C6orf132: variants seen among roughly 807,000 people sequenced by gnomAD.
C6orf132 encodes chromosome 6 open reading frame 132, also known as uncharacterized protein C6orf132.
A neutral mutation model predicts 65.3 loss-of-function variants in C6orf132; 43 were observed. That is an observed-to-expected ratio of 0.66 (90% CI 0.52 to 0.85). The LOEUF (loss-of-function observed/expected upper bound fraction) is 0.85, where lower values mean the gene tolerates loss of function less well. Among genes scored for constraint, C6orf132 ranks in the 40% least tolerant of loss-of-function variants. The probability of loss-of-function intolerance (pLI) is 0.00; values close to 1 mark genes in which losing one functional copy is unlikely to be tolerated. For synonymous variants in C6orf132, 631 were observed against 654.1 expected, an observed-to-expected ratio of 0.96 and a Z score of 0.54; for missense variants, 1,488 against 1,548.8, an observed-to-expected ratio of 0.96 and a Z score of 0.66.
At chr6:42,129,709 C>G (rs540793944) in intron 1 of C6orf132, among the ~76,000 whole-genome samples, 1 of 152,336 alleles carries the variant, frequency 6.6e-6, no homozygotes, top group Admixed American at 6.5e-5. Flanking sequence ...AATTCACACT[C>G]CCTTGGCAGG....
rs1368529422 is a variant in C6orf132 at position 42,101,922 on chromosome 6, G to A, written c.*1839C>T. The stretch of plus-strand genomic sequence containing the variant: ...AGGTCCAACATCTTCCCCCCAAAGG[G>A]AACTACTTTCTGGCTGGCCCCCACC... On this transcript the variant is annotated 3_prime_UTR_variant, in exon 5 of 5. Coordinates refer to ENST00000341865, the MANE Select transcript of C6orf132 (RefSeq NM_001164446.3). 1 of 152,128 alleles carries A rather than the reference G, an allele frequency of 6.6e-6. No individual in the cohort carries two copies. Among genetic ancestry groups the A allele is most frequent in the African/African-American group, 2.4e-5 (1 of 41,394 alleles). The allele number at this position is 152,128 out of a possible 1,614,324, so 9.4% of individuals were successfully genotyped here.
In C6orf132 at chr6:42,104,886, T is replaced by C. The variant is rs1385226050; in HGVS notation, c.3026A>G (p.Gln1009Arg). 1.2e-5 allele frequency: 18 copies of C among 1,449,074 alleles called. No individual in the cohort carries two copies. The highest frequency in any genetic ancestry group is 1.6e-5 in the Non-Finnish European group (18 of 1,105,378). The allele number at this position is 1,449,074 out of a possible 1,614,324, so 89.8% of individuals were successfully genotyped here. Residue 1009 changes from glutamine to arginine, a missense_variant, in exon 4 of 5, where the codon CAG becomes CGG. By Grantham distance (43) the Gln-to-Arg change is conservative. Transcript: ENST00000341865. The surrounding 1 kb of genome is among the most constrained non-coding windows in gnomAD (Gnocchi z 4.1). ...PAPALQYLGRQSSPPRNNYSD... is the reference protein window; with the variant it reads ...PAPALQYLGRRSSPPRNNYSD... ...GTAGTTGTTCCGGGGAGGGGAGCTCTGGCGGCCCAGATACTGGAGGGCCGG... is the reference window on the plus strand; with the variant it reads ...GTAGTTGTTCCGGGGAGGGGAGCTCCGGCGGCCCAGATACTGGAGGGCCGG...
At chr6:42,117,923 C>CAAAAAAAAAAAAAA (rs556142891) in intron 2 of C6orf132, among the ~76,000 whole-genome samples, 17 of 62,348 alleles carry the variant, frequency 2.7e-4, no homozygotes, top group East Asian at 7.5e-4. Flanking sequence ...AACCCTGTCA[C>CAAAAAAAAAAAAAA]AAAAAAAAAA....
chr6:42,123,392 A>C (rs1482691367), intron 2 of C6orf132, among the ~76,000 whole-genome samples: 1 of 151,570 alleles, frequency 6.6e-6, no homozygotes, highest in Non-Finnish European at 1.5e-5. Flanking sequence ...CAAAAAAAAA[A>C]ACAAAACAAC....
At position 42,117,763 on chromosome 6, in the gene C6orf132, A is replaced by G. The variant is rs945471980; in HGVS notation, c.253-7472T>C. Among the ~76,000 whole-genome samples the G allele has an allele frequency of 5.9e-5, 9 of 151,936 alleles. No individual in the cohort carries two copies. The Middle Eastern group carries it at 0.01, about 173-fold the overall frequency. On this transcript the variant is annotated intron_variant, in intron 2 of 4. Transcript: ENST00000341865. ...ATGGTGAAACCCCATCTCTACTAACAATACAAAAAAATTAGCCAGGTGTAG... is the reference window on the plus strand; with the variant it reads ...ATGGTGAAACCCCATCTCTACTAACGATACAAAAAAATTAGCCAGGTGTAG...
rs961341582 is a variant in C6orf132, at chr6:42,106,256, G to C, written c.1656C>G (p.Asp552Glu). The C allele has an allele frequency of 8.5e-6, 13 of 1,537,008 alleles. No individual in the cohort carries two copies. Among genetic ancestry groups the C allele is most frequent in the Non-Finnish European group, 1.1e-5 (13 of 1,146,924 alleles). ...AAPSLTLPSV[D>E]YIPQDSPTPS... ...GAGTTGGAGAGTCTTGGGGAATGTA[G>C]TCCACAGAGGGCAGGGTCAGGCTGG... Residue 552 changes from aspartate (D) to glutamate (E), a missense_variant, in exon 4 of 5, where the codon GAC (aspartate) becomes GAG (glutamate). Transcript: ENST00000341865.
At position 42,104,051 on chromosome 6, in the gene C6orf132, C is replaced by G. The variant is rs903670340; in HGVS notation, c.3450-173G>C. Among the ~76,000 whole-genome samples the G allele has an allele frequency of 6.6e-6, 1 of 152,222 alleles. No individual in the cohort carries two copies. The highest frequency in any genetic ancestry group is 2.4e-5 in the African/African-American group (1 of 41,448). ...GACCGCAGACATCACAAACAGGGCT[C>G]CCATTCTGGTCTGGGCCCTGCTGGC... On this transcript the variant is annotated intron_variant, in intron 4 of 4. Coordinates refer to ENST00000341865, the MANE Select transcript of C6orf132 (RefSeq NM_001164446.3). The surrounding 1 kb of genome is among the most constrained non-coding windows in gnomAD (Gnocchi z 4.1).
chr6:42,122,722 C>T (rs1046933880), intron 2 of C6orf132, among the ~76,000 whole-genome samples: 9 of 152,158 alleles, frequency 5.9e-5, no homozygotes, highest in African/African-American at 1.9e-4. Flanking sequence ...GAGAAAAGCT[C>T]CTGCAGCAGC....
At position 42,142,304 on chromosome 6, in the gene C6orf132, G is replaced by T. The variant is rs1202080463; in HGVS notation, c.141C>A (p.Gly47=). ...CTCCGTCCCCGGAGTACTCACCGAA[G>T]CCCCCGGTCCCCTCCTCCGGGGCCT... ...TQEAPEEGTG[G]FDGIYYGDNR... Residue 47 remains glycine, a synonymous_variant, in exon 1 of 5, where the codon GGC becomes GGA. Coordinates refer to ENST00000341865, the MANE Select transcript of C6orf132 (RefSeq NM_001164446.3). 1.3e-6 allele frequency: 2 copies of T among 1,550,310 alleles called. No homozygotes were observed. Among genetic ancestry groups the T allele is most frequent in the East Asian group, 2.4e-5 (1 of 40,854 alleles).
Position 42,106,428 on chromosome 6 carries a change from G to A in C6orf132, c.1484C>T (p.Thr495Ile), listed in dbSNP as rs1267249645. The A allele has an allele frequency of 6.5e-7, 1 of 1,536,024 alleles. No homozygotes were observed. The highest frequency in any genetic ancestry group is 1.4e-5 in the African/African-American group (1 of 72,980). Residue 495 changes from threonine to isoleucine, a missense_variant, in exon 4 of 5, where the codon ACA becomes ATA. Thr to Ile is a moderately conservative substitution (Grantham distance 89). Coordinates refer to ENST00000341865, the MANE Select transcript of C6orf132 (RefSeq NM_001164446.3). ...DRFLSHRPGPTVAPQSKEGKK... is the reference protein window; with the variant it reads ...DRFLSHRPGPIVAPQSKEGKK... Reference sequence around the variant, plus strand: ...GCCCTCCTTGCTCTGAGGGGCCACTGTTGGGCCTGGCCTGTGACTGAGGAA... The same window carrying A: ...GCCCTCCTTGCTCTGAGGGGCCACTATTGGGCCTGGCCTGTGACTGAGGAA...
At chr6:42,115,571 G>A (rs1422954676) in intron 2 of C6orf132, among the ~76,000 whole-genome samples, 1 of 151,926 alleles carries the variant, frequency 6.6e-6, no homozygotes. Flanking sequence ...GCGTGAACCC[G>A]GGAGGCGGAG....
rs1421334423 is a variant in C6orf132, at chr6:42,106,314, C to G, written c.1598G>C (p.Gly533Ala). ...CTCTGTCTCTGTCAGGCTGCTGCCG[C>G]CAAGACTCTTTTCAGGAACACCTGG... is the stretch of plus-strand genomic sequence containing the variant. ...TPPGVPEKSL[G>A]GSSLTETEAA... The change falls in exon 4 of 5, where the codon GGC (glycine) becomes GCC (alanine). Residue 533 changes from glycine to alanine, a missense_variant. By Grantham distance (60) the Gly-to-Ala change is moderately conservative. Transcript: ENST00000341865. 2.1e-5 allele frequency: 32 copies of G among 1,536,640 alleles called. No individual in the cohort carries two copies. The highest frequency in any genetic ancestry group is 2.4e-5 in the Non-Finnish European group (28 of 1,146,882).
chr6:42,135,895 G>A (rs1045332800), intron 1 of C6orf132, among the ~76,000 whole-genome samples: 23 of 152,200 alleles, frequency 1.5e-4, no homozygotes, highest in African/African-American at 5.5e-4. Flanking sequence ...TCCAGGCCAG[G>A]CAACATGACT....
At chr6:42,128,026 G>A (rs1291341136) in intron 2 of C6orf132, among the ~76,000 whole-genome samples, 3 of 151,004 alleles carry the variant, frequency 2.0e-5, no homozygotes, top group Admixed American at 6.6e-5. Flanking sequence ...CTGGGTTCAT[G>A]CCATTCTCCT....
In C6orf132 at chr6:42,142,585, A is replaced by G; in HGVS notation, c.-141T>C. The G allele has an allele frequency of 1.3e-6, 1 of 748,844 alleles. No individual in the cohort carries two copies. Among genetic ancestry groups the G allele is most frequent in the Non-Finnish European group, 1.9e-6 (1 of 530,554 alleles). The allele number at this position is 748,844 out of a possible 1,614,324, so 46.4% of individuals were successfully genotyped here. On this transcript the variant is annotated 5_prime_UTR_variant, in exon 1 of 5. Transcript: ENST00000341865. ...CGTCCTCCCCGCCCGCGCACCGGGC[A>G]ACAGGTGCTGCGGGCGCCGCCGCTT...
intron 2 of C6orf132, among the ~76,000 whole-genome samples, chr6:42,118,195 G>A (rs1413908936): frequency 1.3e-5 from 2 of 151,628 alleles, no homozygotes; most frequent in African/African-American, 4.9e-5. Context: ...CAGGGTGTTG[G>A]GACAGACAAC....
At chr6:42,140,129 A>T (rs1444467212) in intron 1 of C6orf132, among the ~76,000 whole-genome samples, 3 of 152,220 alleles carry the variant, frequency 2.0e-5, no homozygotes, top group Non-Finnish European at 4.4e-5. Flanking sequence ...GATGTTTTCC[A>T]TGGCTCCTTG....
intron 2 of C6orf132, among the ~76,000 whole-genome samples, chr6:42,125,701 C>T (rs887649771): frequency 1.3e-5 from 2 of 152,202 alleles, no homozygotes; most frequent in African/African-American, 4.8e-5. Flanking sequence ...GAACTGCTCC[C>T]AGGAAGTATT....
At chr6:42,115,934 C>CTTTTTTTT (rs67542628) in intron 2 of C6orf132, among the ~76,000 whole-genome samples, 9 of 106,386 alleles carry the variant, frequency 8.5e-5, no homozygotes, top group East Asian at 2.8e-4. Context: ...TTTTCTTTTT[C>CTTTTTTTT]TTTTTTTTTT....
Sources: gnomAD v4.1 joint callset for allele counts (sites outside exome capture counted in the v4.1 genomes callset) on GRCh38, gnomAD v4.1.1 for gene constraint, Gnocchi (gnomAD v3.1) non-coding constraint, MANE v1.5 for transcripts, NCBI Gene and HGNC (gene_info 2026-07-23, HGNC 2026-07-21) for gene names.